Variants in PDS5A observed in about 807,000 individuals in gnomAD.
The protein encoded by PDS5A is PDS5 cohesin associated factor A.
In PDS5A, 42 loss-of-function variants were observed where a neutral mutation model predicts 167.1. The ratio of observed to expected loss-of-function variants is 0.25; its 90% CI spans 0.20 to 0.33. PDS5A has a LOEUF of 0.33. PDS5A is among the 10% of genes least tolerant of loss of function. PDS5A has a pLI of 1.00. For synonymous variants in PDS5A, 553 were observed against 554.6 expected (o/e 1.00, Z 0.04); for missense variants, 1,033 against 1,605.9 (o/e 0.64, Z 6.10).
At chr4:39,913,754 C>T (rs374309290) in intron 8 of PDS5A, 28 bp from the exon 9 acceptor site, 8 of 1,153,410 alleles carry the variant, frequency 6.9e-6, no homozygotes, top group African/African-American at 3.0e-5. Flanking sequence ...AAAGTGAAGC[C>T]TAAGCTTTAT....
chr4:39,972,435 GCTT>G (rs1730640164), intron 2 of PDS5A, among the ~76,000 whole-genome samples: 2 of 152,116 alleles, frequency 1.3e-5, no homozygotes, highest in Non-Finnish European at 2.9e-5. Context: ...CAGGAGAATC[GCTT>G]GAACCCGGGA....
At chr4:39,843,943 G>A (rs1165177693) in intron 30 of PDS5A, among the ~76,000 whole-genome samples, 2 of 151,712 alleles carry the variant, frequency 1.3e-5, no homozygotes, top group Non-Finnish European at 2.9e-5. Flanking sequence ...CCAGGAGATC[G>A]AGCCCGACCT....
chr4:39,843,450 T>G (rs1348229375), intron 30 of PDS5A, among the ~76,000 whole-genome samples: 1 of 152,160 alleles, frequency 6.6e-6, no homozygotes, highest in Non-Finnish European at 1.5e-5. Flanking sequence ...ATAAACATTT[T>G]GGGCCAGGCG....
chr4:39,897,717 T>G (rs1004831156), intron 16 of PDS5A, among the ~76,000 whole-genome samples: 15 of 151,992 alleles, frequency 9.9e-5, no homozygotes, highest in African/African-American at 3.6e-4. Context: ...ATTTAAAAAC[T>G]TAGCTGGGTG....
chr4:39,878,539 GTGA>G (rs1720668396), intron 18 of PDS5A, among the ~76,000 whole-genome samples: 1 of 151,992 alleles, frequency 6.6e-6, no homozygotes. Flanking sequence ...GGAGCTTGCA[GTGA>G]GCCGAGATCA....
In PDS5A at chr4:39,969,893, GA is replaced by G. The variant is rs990803856; in HGVS notation, c.138+6546del. The stretch of plus-strand genomic sequence containing the variant: ...TAATAAGGTTTACAGAGAAGCTAAA[GA>G]GACAAACCAAATAAATGTATGGATA... On this transcript the variant is annotated intron_variant, in intron 2 of 32. Coordinates refer to ENST00000303538, the MANE Select transcript of PDS5A (RefSeq NM_001100399.2). 1.2e-4 allele frequency among the ~76,000 whole-genome samples: 18 copies of G among 151,470 alleles called. 1 individual carries two copies. Among genetic ancestry groups the G allele is most frequent in the African/African-American group, 4.4e-4 (18 of 41,204 alleles).
At chr4:39,964,294 G>A (rs1012451975) in intron 2 of PDS5A, among the ~76,000 whole-genome samples, 2 of 152,272 alleles carry the variant, frequency 1.3e-5, no homozygotes, top group Admixed American at 6.5e-5. Context: ...TGTGCTAGAG[G>A]TTCAAATGGA....
In PDS5A at chr4:39,849,548, T is replaced by C; in HGVS notation, c.3191A>G (p.Gln1064Arg). 6.2e-7 allele frequency: 1 copy of C among 1,611,604 alleles called. No individual in the cohort carries two copies. The highest frequency in any genetic ancestry group is 8.5e-7 in the Non-Finnish European group (1 of 1,177,908). ...ATTTGTCTTGGATTCATCTGGAGACTGGGCATCTCTGGTTAACTTGATGTT... is the reference window on the plus strand; with the variant it reads ...ATTTGTCTTGGATTCATCTGGAGACCGGGCATCTCTGGTTAACTTGATGTT... ...AENIKLTRDA[Q>R]SPDESKTNEK... The change falls in exon 27 of 33, where the codon CAG (glutamine) becomes CGG (arginine). Residue 1064 changes from glutamine (Q) to arginine (R), a missense_variant. Physicochemically the swap from Gln to Arg is conservative, Grantham distance 43. This residue lies in a region of PDS5A where 367 missense variants were observed against 686.7 expected (regional missense o/e 0.53). Coordinates refer to ENST00000303538, the MANE Select transcript of PDS5A (RefSeq NM_001100399.2).
chr4:39,848,460 AT>A (rs1717837817), intron 28 of PDS5A: 1 of 194,002 alleles, frequency 5.2e-6, no homozygotes, highest in South Asian at 9.0e-5. Flanking sequence ...GTCCATATGT[AT>A]TATTAACATC....
At chr4:39,954,670 TAAA>T (rs777287409) in intron 2 of PDS5A, among the ~76,000 whole-genome samples, 4 of 48,280 alleles carry the variant, frequency 8.3e-5, no homozygotes, top group East Asian at 7.5e-4. Flanking sequence ...AAGAGATAAG[TAAA>T]AAAAAAAAAA....
intron 2 of PDS5A, among the ~76,000 whole-genome samples, chr4:39,961,542 T>C (rs1412958415): frequency 2.0e-5 from 3 of 152,200 alleles, no homozygotes; most frequent in African/African-American, 7.2e-5. Context: ...ATTACAAGTA[T>C]GAGCCACCGT....
At chr4:39,926,029 C>T (rs1215928104) in intron 4 of PDS5A, 96 bp from the exon 5 acceptor site, 1 of 368,830 alleles carries the variant, frequency 2.7e-6, no homozygotes, top group Non-Finnish European at 4.8e-6. Flanking sequence ...GAGTTAGAAA[C>T]ATATTAAAGT....
At chr4:39,882,536 AGT>A (rs977963274) in intron 17 of PDS5A, among the ~76,000 whole-genome samples, 8 of 152,220 alleles carry the variant, frequency 5.3e-5, no homozygotes, top group African/African-American at 1.2e-4. Context: ...CAAAATTACA[AGT>A]GTGTTTCAAA....
chr4:39,875,892 C>A (rs1325730223), intron 19 of PDS5A, among the ~76,000 whole-genome samples: 1 of 151,944 alleles, frequency 6.6e-6, no homozygotes, highest in African/African-American at 2.4e-5. Context: ...TAAAATAATA[C>A]AGAAAGTCAA....
In PDS5A at chr4:39,908,513, G is replaced by A. The variant is rs1723589647; in HGVS notation, c.1115C>T (p.Pro372Leu). ...GACATCATGACGAATAGCTTCTTCT[G>A]GATCATGTGATCTAACCTTTAAATA... Reference protein sequence around the residue: ...TEYLKVRSHDPEEAIRHDVIV... With the variant: ...TEYLKVRSHDLEEAIRHDVIV... Residue 372 changes from proline to leucine, a missense_variant, in exon 11 of 33, where the codon CCA (proline) becomes CTA (leucine). Transcript: ENST00000303538. The A allele has an allele frequency of 6.3e-7, 1 of 1,592,338 alleles. No homozygotes were observed. The highest frequency in any genetic ancestry group is 1.3e-5 in the African/African-American group (1 of 74,462).
intron 16 of PDS5A, among the ~76,000 whole-genome samples, chr4:39,897,690 T>A (rs183359610): frequency 1.3e-5 from 2 of 152,128 alleles, no homozygotes; most frequent in South Asian, 4.1e-4. Flanking sequence ...TGAGCCAATG[T>A]GCATGGCCTC....
intron 16 of PDS5A, among the ~76,000 whole-genome samples, chr4:39,895,015 C>A (rs1444472967): frequency 6.6e-6 from 1 of 151,850 alleles, no homozygotes; most frequent in Non-Finnish European, 1.5e-5. Flanking sequence ...ATCACGAGGT[C>A]AGGAGATCGA....
chr4:39,911,721 G>T (rs569677268), intron 9 of PDS5A, among the ~76,000 whole-genome samples: 2 of 151,174 alleles, frequency 1.3e-5, no homozygotes, highest in African/African-American at 4.9e-5. Context: ...AGTCCCAGCT[G>T]TTTGGGAGGC....
chr4:39,915,279 G>A (rs1006832118), intron 8 of PDS5A, among the ~76,000 whole-genome samples: 3 of 149,862 alleles, frequency 2.0e-5, no homozygotes, highest in East Asian at 2.0e-4. Flanking sequence ...CCTCAGGCAA[G>A]CCTCCTACCT....
Sources: gnomAD v4.1 joint callset for allele counts (sites outside exome capture counted in the v4.1 genomes callset) on GRCh38, gnomAD v4.1.1 for gene constraint, gnomAD v4.1.1 regional missense constraint, MANE v1.5 for transcripts, NCBI Gene and HGNC (gene_info 2026-07-23, HGNC 2026-07-21) for gene names.